Variants in CCDC102B observed in about 807,000 individuals in gnomAD.
The protein encoded by CCDC102B is coiled-coil domain-containing protein 102B.
In CCDC102B, 75 loss-of-function variants were observed where a neutral mutation model predicts 57.4. The ratio of observed to expected loss-of-function variants is 1.31; its 90% confidence interval spans 1.08 to 1.58. CCDC102B has a LOEUF of 1.58. Ranked by LOEUF, CCDC102B falls within the 40% of genes most tolerant of loss-of-function variation. The pLI, the probability that CCDC102B is intolerant of heterozygous loss-of-function variation, is 0.00. For synonymous variants in CCDC102B, 206 were observed against 201.9 expected, an observed-to-expected ratio of 1.02 and a Z score of -0.17; for missense variants, 636 against 582.6, an observed-to-expected ratio of 1.09 and a Z score of -0.94.
intron 2 of CCDC102B, 152 bp downstream of exon 2, chr18:68,837,521 A>C: frequency 1.3e-6 from 1 of 770,768 alleles, no homozygotes; most frequent in Non-Finnish European, 2.1e-6. Context: ...AAGCAACAGA[A>C]ATTCATTTTC....
At chr18:68,893,034 G>A (rs1784438019) in intron 5 of CCDC102B, among the ~76,000 whole-genome samples, 1 of 152,238 alleles carries the variant, frequency 6.6e-6, no homozygotes, top group African/African-American at 2.4e-5. Context: ...CATTCTTTTG[G>A]GAGTTTTCTC....
chr18:68,800,664 C>G (rs1031606737), intron 1 of CCDC102B, among the ~76,000 whole-genome samples: 1 of 151,328 alleles, frequency 6.6e-6, no homozygotes, highest in African/African-American at 2.5e-5. Flanking sequence ...GATGTACTGA[C>G]TTTCCTCTGT....
intron 2 of CCDC102B, among the ~76,000 whole-genome samples, chr18:68,735,619 C>A (rs1479228733): frequency 6.6e-6 from 1 of 152,108 alleles, no homozygotes; most frequent in Non-Finnish European, 1.5e-5. Flanking sequence ...CTGTTTGGCC[C>A]AAAGGCAAAT....
At chr18:68,945,663 ATGT>A (rs2049519309) in intron 6 of CCDC102B, among the ~76,000 whole-genome samples, 2 of 152,072 alleles carry the variant, frequency 1.3e-5, no homozygotes, top group African/African-American at 4.8e-5. Context: ...TTCCACATAA[ATGT>A]TGTGGAAGAA....
At chr18:68,721,211 T>C (rs765112817) in intron 2 of CCDC102B, 5 of 152,254 alleles carry the variant, frequency 3.3e-5, no homozygotes, top group Non-Finnish European at 5.9e-5. Context: ...GTATAATACA[T>C]GTGCAAACAA....
At chr18:68,843,670 G>T (rs1480828623) in intron 3 of CCDC102B, among the ~76,000 whole-genome samples, 3 of 151,756 alleles carry the variant, frequency 2.0e-5, no homozygotes, top group East Asian at 3.9e-4. Flanking sequence ...GCTGAGCTTT[G>T]TCTTTTTAAT....
At chr18:68,902,301 G>T (rs1389182328) in intron 6 of CCDC102B, 1 of 151,936 alleles carries the variant, frequency 6.6e-6, no homozygotes, top group African/African-American at 2.4e-5. Context: ...TTATTACCAG[G>T]TTTCTCTGAG....
intron 6 of CCDC102B, among the ~76,000 whole-genome samples, chr18:68,986,685 T>C (rs1266855041): frequency 6.6e-6 from 1 of 151,586 alleles, no homozygotes; most frequent in Non-Finnish European, 1.5e-5. Flanking sequence ...ACCAAAAGTC[T>C]CCTAGAACTG....
chr18:68,764,929 C>T (rs2034374320), intron 2 of CCDC102B, among the ~76,000 whole-genome samples: 1 of 151,430 alleles, frequency 6.6e-6, no homozygotes, highest in Non-Finnish European at 1.5e-5. Flanking sequence ...GATCTGTAGT[C>T]CCAGCTACCT....
At position 68,717,787 on chromosome 18, in the gene CCDC102B, A is replaced by G. The variant is rs551367513; in HGVS notation, c.-67+1193A>G. Reference sequence around the variant, plus strand: ...TTTCAGATAAGCTACATTTGTGTATATATATACCTTGTATATTTTGCATAC... The same window carrying G: ...TTTCAGATAAGCTACATTTGTGTATGTATATACCTTGTATATTTTGCATAC... On this transcript the variant is annotated intron_variant, in intron 2 of 3. Transcript: ENST00000578970. Among the ~76,000 whole-genome samples, 3 of 152,336 alleles carry G rather than the reference A, an allele frequency of 2.0e-5. No individual in the cohort carries two copies. In the South Asian group the frequency reaches 6.2e-4, roughly 32 times the overall value.
At chr18:68,954,579 C>T (rs770742399) in intron 6 of CCDC102B, among the ~76,000 whole-genome samples, 1 of 152,110 alleles carries the variant, frequency 6.6e-6, no homozygotes, top group Non-Finnish European at 1.5e-5. Context: ...TATAAAAATG[C>T]TTCCTTAGGA....
At chr18:69,057,371 C>T (rs1016146917), downstream of CCDC102B, among the ~76,000 whole-genome samples, 1 of 152,004 alleles carries the variant, frequency 6.6e-6, no homozygotes, top group Non-Finnish European at 1.5e-5. Context: ...ATTCTTGCAG[C>T]TGCATTTTAC....
chr18:68,827,627 C>T (rs2036957414), intron 1 of CCDC102B, among the ~76,000 whole-genome samples: 1 of 151,906 alleles, frequency 6.6e-6, no homozygotes, highest in Admixed American at 6.6e-5. Flanking sequence ...TATAAAATGG[C>T]AGATATAAGT....
chr18:68,924,135 C>G (rs964535460), intron 6 of CCDC102B, among the ~76,000 whole-genome samples: 1 of 150,724 alleles, frequency 6.6e-6, no homozygotes, highest in Non-Finnish European at 1.5e-5. Context: ...TTCTTCCCCC[C>G]CAAAACTTAT....
intron 6 of CCDC102B, among the ~76,000 whole-genome samples, chr18:68,999,329 G>C (rs1410730744): frequency 6.6e-6 from 1 of 151,866 alleles, no homozygotes; most frequent in Non-Finnish European, 1.5e-5. Context: ...TGGCACATTG[G>C]CTCACACCTA....
At chr18:68,948,227 G>T (rs1004903160) in intron 6 of CCDC102B, among the ~76,000 whole-genome samples, 1 of 151,986 alleles carries the variant, frequency 6.6e-6, no homozygotes, top group Non-Finnish European at 1.5e-5. Flanking sequence ...AAATAAATTA[G>T]AATTACAGTT....
At chr18:68,828,797 A>C (rs1156630552) in intron 1 of CCDC102B, among the ~76,000 whole-genome samples, 1 of 151,700 alleles carries the variant, frequency 6.6e-6, no homozygotes, top group Non-Finnish European at 1.5e-5. Flanking sequence ...ACATTATGTG[A>C]ATATATATTT....
At position 68,897,440 on chromosome 18, in the gene CCDC102B, C is replaced by G. The variant is rs532856773; in HGVS notation, c.1263+12C>G. On this transcript the variant is annotated intron_variant, in intron 6 of 7. Transcript: ENST00000360242. ...AAGAAAAAAACCAGGTATGGGTGCT[C>G]CTTGGAGCAAATTCTCACTGTCTAA... 2 of 1,609,270 alleles carry G rather than the reference C, an allele frequency of 1.2e-6. No individual in the cohort carries two copies. The highest frequency in any genetic ancestry group is 2.2e-5 in the East Asian group (1 of 44,848).
At chr18:68,863,154 T>C (rs1305306761) in intron 4 of CCDC102B, among the ~76,000 whole-genome samples, 2 of 143,682 alleles carry the variant, frequency 1.4e-5, no homozygotes, top group African/African-American at 2.6e-5. Flanking sequence ...GACATCTTGA[T>C]TGGATATATA....
Sources: gnomAD v4.1 joint callset for allele counts (sites outside exome capture counted in the v4.1 genomes callset) on GRCh38, gnomAD v4.1.1 for gene constraint, MANE v1.5 for transcripts, NCBI Gene and HGNC (gene_info 2026-07-23, HGNC 2026-07-21) for gene names.